OTOGL: variants seen among roughly 807,000 people sequenced by gnomAD.
OTOGL encodes the protein otogelin like.
A neutral mutation model predicts 318.5 loss-of-function variants in OTOGL; 285 were observed. The observed-to-expected ratio is 0.89, with a 90% CI of 0.81 to 0.99. The LOEUF is 0.99. Ranked by LOEUF, OTOGL falls within the 50% of genes least tolerant of loss-of-function variation. The pLI is 0.00. For synonymous variants in OTOGL, 987 were observed against 936.5 expected, an observed-to-expected ratio of 1.05 and a Z score of -0.99; for missense variants, 2,899 against 2,845.6, an observed-to-expected ratio of 1.02 and a Z score of -0.43.
intron 35 of OTOGL, among the ~76,000 whole-genome samples, chr12:80,325,768 G>C (rs980942166): frequency 1.3e-5 from 2 of 152,214 alleles, no homozygotes; most frequent in African/African-American, 4.8e-5. Context: ...GCAATGCGAA[G>C]GGCATGTGGG....
rs1380805527 is a variant in OTOGL, at chr12:80,339,130, T to C, written c.4916T>C (p.Ile1639Thr). The change falls in exon 43 of 59, where the codon ATA becomes ACA. Residue 1639 changes from isoleucine to threonine, a missense_variant. Physicochemically the swap from Ile to Thr is moderately conservative, Grantham distance 89 (BLOSUM62 -1). This residue lies in a region of OTOGL where 2,607 missense variants were observed against 2,524.9 expected (regional missense o/e 1.03). Transcript: ENST00000547103. ...CCCTTTTCAAGTCAGGAACTGTCCA[T>C]AGAGGATTCTGGTTCAATGTATGTA... The part of the protein sequence containing the change: ...PLPFSSQELS[I>T]EDSGSMYVIT... 3.7e-6 allele frequency: 6 copies of C among 1,611,640 alleles called. No homozygotes were observed. Among genetic ancestry groups the C allele is most frequent in the Non-Finnish European group, 5.1e-6 (6 of 1,178,084 alleles).
At chr12:80,223,314 T>G (rs1306173661) in intron 7 of OTOGL, among the ~76,000 whole-genome samples, 4 of 152,016 alleles carry the variant, frequency 2.6e-5, no homozygotes, top group Non-Finnish European at 5.9e-5. Flanking sequence ...CATATTTTCT[T>G]TATCCACTCA....
chr12:80,374,969 A>G (rs1429875695), intron 57 of OTOGL, among the ~76,000 whole-genome samples: 3 of 152,172 alleles, frequency 2.0e-5, no homozygotes, highest in African/African-American at 7.2e-5. Flanking sequence ...GAAGCTGATC[A>G]TAGTAGTAAA....
At chr12:80,121,569 G>A (rs7963481) in intron 1 of OTOGL, among the ~76,000 whole-genome samples, 81,318 of 151,916 alleles carry the variant, frequency 0.54, 21,962 homozygotes, top group Non-Finnish European at 0.58. Flanking sequence ...ACCACCCCAC[G>A]AAACAAAACA....
intron 26 of OTOGL, among the ~76,000 whole-genome samples, chr12:80,282,124 G>A (rs10862085): frequency 0.62 from 93,532 of 151,660 alleles, 30,881 homozygotes; most frequent in East Asian, 0.94. Flanking sequence ...ACTGATCACA[G>A]ATTTACATTT....
At chr12:80,366,532 A>ATATATATAT (rs1566018778) in intron 52 of OTOGL, 42 bp from the exon 53 acceptor site, 9 of 123,026 alleles carry the variant, frequency 7.3e-5, no homozygotes, top group East Asian at 2.7e-4. Context: ...TATATATATA[A>ATATATATAT]AATAAGCTAA....
At position 80,196,604 on chromosome 12, in the gene OTOGL, C is replaced by A. The variant is rs111507286; in HGVS notation, c.-19-12809C>A. Among the ~76,000 whole-genome samples, 411 of 152,220 alleles carry A rather than the reference C, an allele frequency of 2.7e-3. 2 individuals are homozygous for A. Among genetic ancestry groups the A allele is most frequent in the African/African-American group, 9.1e-3 (378 of 41,536 alleles). On this transcript the variant is annotated intron_variant, in intron 1 of 58. Coordinates refer to ENST00000547103, the MANE Select transcript of OTOGL (RefSeq NM_001378609.3). ...AGGGAGACTGGTTCTTCCACCTGGA[C>A]ATCGTTCCCCGGAGGCATGTTGGTC...
intron 9 of OTOGL, 48 bp from the exon 10 acceptor site, chr12:80,238,803 T>A: frequency 7.2e-7 from 1 of 1,380,516 alleles, no homozygotes; most frequent in Non-Finnish European, 9.4e-7. Context: ...GAAAATGATA[T>A]GATTACACCT....
At chr12:80,204,515 T>C (rs1876679126) in intron 1 of OTOGL, among the ~76,000 whole-genome samples, 1 of 152,194 alleles carries the variant, frequency 6.6e-6, no homozygotes, top group African/African-American at 2.4e-5. Flanking sequence ...CGTTTGTTTG[T>C]AAGTAAGCTA....
intron 1 of OTOGL, among the ~76,000 whole-genome samples, chr12:80,158,558 A>G (rs1227548135): frequency 6.6e-6 from 1 of 152,082 alleles, no homozygotes; most frequent in East Asian, 1.9e-4. Flanking sequence ...GTACATATTT[A>G]TATGTACATT....
At chr12:80,167,457 G>C (rs1873898830) in intron 1 of OTOGL, among the ~76,000 whole-genome samples, 1 of 152,102 alleles carries the variant, frequency 6.6e-6, no homozygotes. Context: ...AAGACTTGAA[G>C]CAAGGCAATA....
At chr12:80,310,479 C>A in intron 29 of OTOGL, 132 bp from the exon 30 acceptor site, 1 of 611,490 alleles carries the variant, frequency 1.6e-6, no homozygotes, top group Non-Finnish European at 2.9e-6. Flanking sequence ...TGAGCAGGTG[C>A]TTTACGCAAA....
intron 1 of OTOGL, among the ~76,000 whole-genome samples, chr12:80,122,608 T>C (rs1300329286): frequency 1.3e-5 from 2 of 152,174 alleles, no homozygotes; most frequent in African/African-American, 4.8e-5. Flanking sequence ...TAGAAGTAAA[T>C]GTCAAGGTAA....
At chr12:80,121,169 C>A (rs1346074599) in intron 1 of OTOGL, among the ~76,000 whole-genome samples, 2 of 152,150 alleles carry the variant, frequency 1.3e-5, no homozygotes, top group African/African-American at 4.8e-5. Flanking sequence ...GCTTTCCTCA[C>A]TCCTTTACAA....
intron 23 of OTOGL, 40 bp from the exon 24 acceptor site, chr12:80,271,608 C>T (rs1565945169): frequency 1.3e-6 from 2 of 1,584,986 alleles, no homozygotes; most frequent in South Asian, 1.1e-5. Context: ...CATGCCATGA[C>T]AAAAAGTTAA....
chr12:80,221,268 C>CTTTTT (rs5799457), intron 6 of OTOGL, among the ~76,000 whole-genome samples: 1 of 137,064 alleles, frequency 7.3e-6, no homozygotes. Context: ...TCCAGCATAC[C>CTTTTT]TTTTTTTTTT....
intron 26 of OTOGL, among the ~76,000 whole-genome samples, chr12:80,287,590 G>A (rs902478942): frequency 2.0e-5 from 3 of 152,158 alleles, no homozygotes; most frequent in African/African-American, 7.2e-5. Context: ...CCAGTATTGG[G>A]TGCGTATGTA....
chr12:80,149,663 C>A (rs892372028), intron 1 of OTOGL, among the ~76,000 whole-genome samples: 2 of 152,290 alleles, frequency 1.3e-5, no homozygotes, highest in East Asian at 1.9e-4. Context: ...GCCCCTCCCC[C>A]AGCCTCGCTG....
intron 1 of OTOGL, among the ~76,000 whole-genome samples, chr12:80,141,068 AGG>A (rs1233501218): frequency 3.0e-4 from 46 of 152,268 alleles, no homozygotes; most frequent in Non-Finnish European, 6.5e-4. Context: ...TAGCTCTTGC[AGG>A]TGTTTATTGA....
Sources: allele counts gnomAD v4.1 joint callset (sites outside exome capture counted in the v4.1 genomes callset), GRCh38; gene constraint gnomAD v4.1.1; regional missense constraint gnomAD v4.1.1; transcripts MANE v1.5; gene names NCBI Gene and HGNC (gene_info 2026-07-23, HGNC 2026-07-21).